VSIG10L: variants seen among roughly 807,000 people sequenced by gnomAD.
The protein encoded by VSIG10L is V-set and immunoglobulin domain containing 10 like.
VSIG10L carries 63 observed loss-of-function variants against 67.3 expected under a neutral mutation model. The observed-to-expected ratio is 0.94, with a 90% CI of 0.76 to 1.15. The LOEUF is 1.15. Ranked by LOEUF, VSIG10L falls within the 50% of genes most tolerant of loss-of-function variation. VSIG10L has a pLI of 0.00. For missense variants in VSIG10L, 1,050 were observed against 1,177.5 expected (o/e 0.89, Z 1.58); for synonymous variants, 499 against 524.9 (o/e 0.95, Z 0.67).
intron 8 of VSIG10L, 62 bp downstream of exon 8, chr19:51,334,129 G>T: frequency 6.6e-7 from 1 of 1,522,484 alleles, no homozygotes; most frequent in Non-Finnish European, 8.9e-7. Context: ...TCTTCCATAG[G>T]CCTCTTTCTA....
At chr19:51,338,857 G>GA in intron 5 of VSIG10L, 31 bp downstream of exon 5, 1 of 1,358,872 alleles carries the variant, frequency 7.4e-7, no homozygotes, top group South Asian at 1.8e-5. Context: ...TCCTCCTCGA[G>GA]AAACAGCAAA....
chr19:51,332,439 G>T lies in VSIG10L; in HGVS notation c.*172C>A. 3 of 756,936 alleles carry T rather than the reference G, an allele frequency of 4.0e-6. No individual in the cohort carries two copies. The highest frequency in any genetic ancestry group is 4.6e-6 in the Non-Finnish European group (2 of 431,458). The allele number at this position is 756,936 out of a possible 1,614,324, so 46.9% of individuals were successfully genotyped here. A position where few individuals can be genotyped will look rare whatever the true frequency, so the allele number is the denominator to read the frequency against. On this transcript the variant is annotated 3_prime_UTR_variant, in exon 10 of 10. Transcript: ENST00000335624. ...AATACAGGAAGACTCTTCTTCTGCA[G>T]CAAGAGAGGGAGACAGAAAGTCCCA...
intron 9 of VSIG10L, among the ~76,000 whole-genome samples, chr19:51,332,890 T>C (rs1461425696): frequency 6.6e-6 from 1 of 152,060 alleles, no homozygotes; most frequent in African/African-American, 2.4e-5. Flanking sequence ...CACTCTGTCA[T>C]CCAGGCTAGA....
Position 51,334,208 on chromosome 19 carries a change from C to A in VSIG10L, c.2402G>T (p.Cys801Phe), listed in dbSNP as rs567493764. 1.9e-6 allele frequency: 3 copies of A among 1,551,728 alleles called. No homozygotes were observed. Among genetic ancestry groups the A allele is most frequent in the South Asian group, 1.2e-5 (1 of 84,058 alleles). The change falls in exon 8 of 10, where the codon TGC becomes TTC. Residue 801 changes from cysteine (C) to phenylalanine (F), a missense_variant. Physicochemically the swap from Cys to Phe is radical, Grantham distance 205. Coordinates refer to ENST00000335624, the MANE Select transcript of VSIG10L (RefSeq NM_001163922.3). ...TTGCTCACCACGAAAGCGGCACAGG[C>A]AGCAGATGCAAAGGAGGAGAAGTAC... ...LAVLLLLCIC[C>F]LCRFRGKTPE... is the part of the protein sequence containing the mutation.
chr19:51,340,552 C>T lies in VSIG10L; in HGVS notation c.1070G>A (p.Arg357His), dbSNP rs1359318551. 1 of 1,535,804 alleles carries T rather than the reference C, an allele frequency of 6.5e-7. No homozygotes were observed. Among genetic ancestry groups the T allele is most frequent in the Non-Finnish European group, 8.7e-7 (1 of 1,146,050 alleles). ...ESEGAETPRM[R>H]SEGDQLLIVR... ...GATGAGCAGCTGGTCGCCCTCTGAG[C>T]GCATCCGGGGCGTCTCGGCTCCCTC... Residue 357 changes from arginine (R) to histidine (H), a missense_variant, in exon 3 of 10, where the codon CGC becomes CAC. Arg to His is a conservative substitution (Grantham distance 29). Around this residue, in one of 3 missense-constraint regions of VSIG10L, gnomAD observed 511 missense variants for 557.9 expected, o/e 0.92. Coordinates refer to ENST00000335624, the MANE Select transcript of VSIG10L (RefSeq NM_001163922.3). The surrounding 1 kb of genome is among the most constrained non-coding windows in gnomAD (Gnocchi z 6.3).
In VSIG10L at chr19:51,340,219, C is replaced by T. The variant is rs1344036762; in HGVS notation, c.1270G>A (p.Val424Met). Residue 424 changes from valine to methionine, a missense_variant, in exon 4 of 10, where the codon GTG becomes ATG. Val to Met is a conservative substitution (Grantham distance 21). This residue lies in a region of VSIG10L where 511 missense variants were observed against 557.9 expected (regional missense o/e 0.92). Coordinates refer to ENST00000335624, the MANE Select transcript of VSIG10L (RefSeq NM_001163922.3). This position sits in a 1 kb window ranked among gnomAD's most constrained non-coding sequence, Gnocchi z 6.3. ...PARFVTAGSN[V>M]TLRCAAASRP... ...GAGGCGGCGGCGCAGCGCAAGGTCA[C>T]GTTACTGCCCGCGGTGACAAAGCGG... 6.6e-7 allele frequency: 1 copy of T among 1,505,026 alleles called. No individual in the cohort carries two copies. Among genetic ancestry groups the T allele is most frequent in the Non-Finnish European group, 8.8e-7 (1 of 1,134,176 alleles). 93.2% of individuals were successfully genotyped at this position (1,505,026 alleles called of 1,614,324 possible).
chr19:51,334,370 G>A, intron 7 of VSIG10L, 66 bp from the exon 8 acceptor site: 1 of 1,447,838 alleles, frequency 6.9e-7, no homozygotes, highest in Non-Finnish European at 9.4e-7. Context: ...AGTTTCCTAA[G>A]CCCCCTAACT....
chr19:51,333,425 T>C (rs1176856005), intron 9 of VSIG10L, among the ~76,000 whole-genome samples: 4 of 151,564 alleles, frequency 2.6e-5, no homozygotes, highest in Non-Finnish European at 5.9e-5. Context: ...GCTACTCAAG[T>C]GGCTGAGGCA....
chr19:51,339,992 C>T, intron 4 of VSIG10L, 23 bp downstream of exon 4: 2 of 1,370,414 alleles, frequency 1.5e-6, no homozygotes, highest in Non-Finnish European at 1.9e-6. Flanking sequence ...AGGCATTCCC[C>T]TACTCCCGCT....
rs1161407807 is a variant in VSIG10L, at chr19:51,341,450, C to T, written c.598G>A (p.Ala200Thr). The T allele has an allele frequency of 3.9e-6, 6 of 1,540,294 alleles. No individual in the cohort carries two copies. Among genetic ancestry groups the T allele is most frequent in the Non-Finnish European group, 5.3e-6 (6 of 1,141,324 alleles). The part of the protein sequence containing the change: ...SFPQQVGGPL[A>T]VLVGTTIRLP... Reference sequence around the variant, plus strand: ...CGGATGGTGGTCCCCACCAGCACAGCGAGTGGGCCCCCCACCTGCTGGGGA... The same window carrying T: ...CGGATGGTGGTCCCCACCAGCACAGTGAGTGGGCCCCCCACCTGCTGGGGA... The change falls in exon 2 of 10, where the codon GCT becomes ACT. Residue 200 changes from alanine (A) to threonine (T), a missense_variant. Transcript: ENST00000335624.
chr19:51,339,218 A>G, intron 4 of VSIG10L, 76 bp from the exon 5 acceptor site: 1 of 1,255,724 alleles, frequency 8.0e-7, no homozygotes, highest in South Asian at 3.4e-5. Flanking sequence ...CCGCGCGGTG[A>G]CTCCACCCTT....
chr19:51,341,523 C>G lies in VSIG10L; in HGVS notation c.525G>C (p.Gln175His). 6.4e-7 allele frequency: 1 copy of G among 1,551,478 alleles called. No individual in the cohort carries two copies. Among genetic ancestry groups the G allele is most frequent in the Non-Finnish European group, 8.7e-7 (1 of 1,146,956 alleles). The change falls in exon 2 of 10, where the codon CAG becomes CAC. Residue 175 changes from glutamine (Q) to histidine (H), a missense_variant. This residue lies in a region of VSIG10L where 511 missense variants were observed against 557.9 expected (regional missense o/e 0.92). Transcript: ENST00000335624. Reference sequence around the variant, plus strand: ...CTGCAGAAAATTTGGATTCAGGGCTCTGGGCAGAGAGTTTAAGATCCATAT... The same window carrying G: ...CTGCAGAAAATTTGGATTCAGGGCTGTGGGCAGAGAGTTTAAGATCCATAT... ...PDDMDLKLSA[Q>H]SPESKFSAET... is the part of the protein sequence containing the mutation.
chr19:51,333,278 C>T (rs1985399214), intron 9 of VSIG10L, among the ~76,000 whole-genome samples: 1 of 152,110 alleles, frequency 6.6e-6, no homozygotes, highest in African/African-American at 2.4e-5. Flanking sequence ...CCTGTAATCC[C>T]AGCACTTTGG....
intron 7 of VSIG10L, 128 bp downstream of exon 7, chr19:51,337,110 G>A: frequency 8.2e-7 from 1 of 1,225,690 alleles, no homozygotes; most frequent in Non-Finnish European, 1.1e-6. Flanking sequence ...TGTGAGAGAA[G>A]AAATTCCTGT....
At chr19:51,338,853 T>G in intron 5 of VSIG10L, 35 bp downstream of exon 5, 1 of 1,356,882 alleles carries the variant, frequency 7.4e-7, no homozygotes, top group Non-Finnish European at 9.6e-7. Flanking sequence ...TCCCTCCTCC[T>G]CGAGAAACAG....
At position 51,332,153 on chromosome 19, in the gene VSIG10L, G is replaced by A. The variant is rs145002019; in HGVS notation, c.*458C>T. 49 of 228,918 alleles carry A rather than the reference G, an allele frequency of 2.1e-4. No individual in the cohort carries two copies. Among genetic ancestry groups the A allele is most frequent in the Middle Eastern group, 1.7e-3 (1 of 604 alleles). 14.2% of individuals were successfully genotyped at this position (228,918 alleles called of 1,614,324 possible). A position where few individuals can be genotyped will look rare whatever the true frequency, so the allele number is the denominator to read the frequency against. On this transcript the variant is annotated 3_prime_UTR_variant, in exon 10 of 10. Coordinates refer to ENST00000335624, the MANE Select transcript of VSIG10L (RefSeq NM_001163922.3). The stretch of plus-strand genomic sequence containing the variant: ...ATATCTGAAGGGAAATGCACAGGCC[G>A]TAGAAGCGTTTAAAGAGAAGAGTGA...
chr19:51,334,980 T>C (rs1023027138), intron 7 of VSIG10L, among the ~76,000 whole-genome samples: 2 of 151,642 alleles, frequency 1.3e-5, no homozygotes, highest in African/African-American at 4.8e-5. Flanking sequence ...AAAGGAACAA[T>C]GGGAAGGGAT....
Position 51,334,298 on chromosome 19 carries a change from G to T in VSIG10L, c.2312C>A (p.Thr771Lys). Residue 771 changes from threonine (T) to lysine (K), a missense_variant, in exon 8 of 10, where the codon ACG (threonine) becomes AAG (lysine). By Grantham distance (78) the Thr-to-Lys change is moderately conservative (BLOSUM62 -1). Around this residue, in one of 3 missense-constraint regions of VSIG10L, gnomAD observed 529 missense variants for 584.9 expected, o/e 0.90. Coordinates refer to ENST00000335624, the MANE Select transcript of VSIG10L (RefSeq NM_001163922.3). Reference protein sequence around the residue: ...SQSRVYRAGPTLSHGAIAGIV... With the variant: ...SQSRVYRAGPKLSHGAIAGIV... ...GCCAGCGATGGCCCCATGGCTCAAC[G>T]TGGGGCCTGGAAGAGACAAAGAGAA... 6.4e-7 allele frequency: 1 copy of T among 1,551,474 alleles called. No individual in the cohort carries two copies. The highest frequency in any genetic ancestry group is 8.7e-7 in the Non-Finnish European group (1 of 1,146,800).
intron 8 of VSIG10L, 66 bp downstream of exon 8, chr19:51,334,125 A>G: frequency 6.6e-7 from 1 of 1,521,888 alleles, no homozygotes; most frequent in South Asian, 1.2e-5. Context: ...CAGGTCTTCC[A>G]TAGGCCTCTT....
Sources: gnomAD v4.1 joint callset for allele counts (sites outside exome capture counted in the v4.1 genomes callset) on GRCh38, gnomAD v4.1.1 for gene constraint, gnomAD v4.1.1 regional missense constraint, Gnocchi (gnomAD v3.1) non-coding constraint, MANE v1.5 for transcripts, NCBI Gene and HGNC (gene_info 2026-07-23, HGNC 2026-07-21) for gene names.